NEK11: variants seen among roughly 807,000 people sequenced by gnomAD.
NEK11 encodes serine/threonine-protein kinase Nek11.
NEK11 carries 72 observed loss-of-function variants against 80.7 expected under a neutral mutation model. That is an observed-to-expected ratio of 0.89 (90% CI 0.74 to 1.08). The LOEUF (loss-of-function observed/expected upper bound fraction) is 1.08, where lower values mean the gene tolerates loss of function less well. NEK11 is among the 50% of genes least tolerant of loss of function. The pLI is 0.00. For synonymous variants in NEK11, 251 were observed against 260.7 expected (o/e 0.96, Z 0.36); for missense variants, 764 against 763.6 (o/e 1.00, Z -0.01).
intron 5 of NEK11, among the ~76,000 whole-genome samples, chr3:131,129,776 G>T (rs1213171635): frequency 6.6e-6 from 1 of 151,982 alleles, no homozygotes; most frequent in Admixed American, 6.6e-5. Context: ...TTATTTCTGG[G>T]CTCTCTATTC....
chr3:131,281,398 A>G (rs1447523524), intron 17 of NEK11, among the ~76,000 whole-genome samples: 1 of 152,186 alleles, frequency 6.6e-6, no homozygotes, highest in Non-Finnish European at 1.5e-5. Context: ...TTTATTTAGT[A>G]ATATATGCTG....
intron 16 of NEK11, among the ~76,000 whole-genome samples, chr3:131,265,728 C>T (rs1306128858): frequency 6.6e-6 from 1 of 152,118 alleles, no homozygotes; most frequent in Admixed American, 6.5e-5. Context: ...ATGCTGGCCT[C>T]ATAAAAAGTC....
chr3:131,217,135 CT>C, intron 14 of NEK11, among the ~76,000 whole-genome samples: 1 of 152,238 alleles, frequency 6.6e-6, no homozygotes. Context: ...CTGCATAACT[CT>C]GATAAACTAT....
At chr3:131,124,626 C>T (rs1166451757) in intron 5 of NEK11, among the ~76,000 whole-genome samples, 1 of 152,074 alleles carries the variant, frequency 6.6e-6, no homozygotes, top group African/African-American at 2.4e-5. Flanking sequence ...CAGTTCCTGC[C>T]ACACCAAGAG....
chr3:131,225,593 G>A (rs1253192832), intron 14 of NEK11, among the ~76,000 whole-genome samples: 2 of 152,184 alleles, frequency 1.3e-5, no homozygotes, highest in East Asian at 3.8e-4. Flanking sequence ...AAACTGAAGT[G>A]CAGAAAGCTT....
intron 14 of NEK11, 79 bp downstream of exon 14, chr3:131,170,966 G>A (rs200808503): frequency 4.6e-5 from 45 of 968,208 alleles, no homozygotes; most frequent in Non-Finnish European, 7.1e-5. Context: ...CAGTGGGTCT[G>A]TCTGGCCTCT....
intron 17 of NEK11, among the ~76,000 whole-genome samples, chr3:131,296,648 A>ATTTAT (rs547401517): frequency 9.2e-5 from 14 of 151,992 alleles, no homozygotes; most frequent in African/African-American, 2.2e-4. Flanking sequence ...TACTTGCATG[A>ATTTAT]TTTATTTTAT....
rs869304359 is a variant in NEK11 at position 131,272,463 on chromosome 3, C to CTTTTTTTTTTTTTTTTTTTTTTT, written c.1622-1007_1622-985dup. On this transcript the variant is annotated intron_variant, in intron 16 of 17. Coordinates refer to ENST00000383366, the MANE Select transcript of NEK11 (RefSeq NM_024800.5). ...CTTGCTAATGGGCCAGTTTTAGCTT[C>CTTTTTTTTTTTTTTTTTTTTTTT]TTTTTTTTTTTTTTTTTTTTTTTTT... 4.1e-4 allele frequency among the ~76,000 whole-genome samples: 18 copies of CTTTTTTTTTTTTTTTTTTTTTTT among 43,898 alleles called. 2 individuals carry two copies. The highest frequency in any genetic ancestry group is 2.8e-3 in the East Asian group (3 of 1,068). The allele number at this position is 43,898 out of a possible 152,430, so 28.8% of individuals were successfully genotyped here.
At position 131,348,124 on chromosome 3, in the gene NEK11, A is replaced by G. The variant is rs114832278; in HGVS notation, c.1719-1433A>G. ...CTTCAGAGAAAAGTGCAGAAACCAT[A>G]AGTACACATATAAATTTTTAGAGTG... is the stretch of plus-strand genomic sequence containing the variant. On this transcript the variant is annotated intron_variant, in intron 17 of 17. Coordinates refer to ENST00000383366, the MANE Select transcript of NEK11 (RefSeq NM_024800.5). Among the ~76,000 whole-genome samples, 1,517 of 152,250 alleles carry G rather than the reference A, an allele frequency of 1.0e-2. 33 individuals carry two copies. Among genetic ancestry groups the G allele is most frequent in the African/African-American group, 0.034 (1,417 of 41,524 alleles).
At chr3:131,084,909 A>C (rs573499445) in intron 4 of NEK11, among the ~76,000 whole-genome samples, 2 of 152,306 alleles carry the variant, frequency 1.3e-5, no homozygotes, top group Admixed American at 1.3e-4. Context: ...TGGCAAAATA[A>C]ATAATTTTAA....
chr3:131,064,441 C>T (rs1488489527), intron 3 of NEK11, among the ~76,000 whole-genome samples: 1 of 152,084 alleles, frequency 6.6e-6, no homozygotes, highest in Admixed American at 6.5e-5. Flanking sequence ...GTCTCTCCCT[C>T]TCCTTATAAG....
chr3:131,258,231 TG>T (rs1234211782), intron 16 of NEK11, among the ~76,000 whole-genome samples: 2 of 152,220 alleles, frequency 1.3e-5, no homozygotes, highest in South Asian at 4.1e-4. Flanking sequence ...GCTCTAGTGA[TG>T]GGTGCACCCA....
At chr3:131,181,745 CAAAAAA>C (rs58463955) in intron 14 of NEK11, among the ~76,000 whole-genome samples, 8 of 83,096 alleles carry the variant, frequency 9.6e-5, no homozygotes, top group South Asian at 9.4e-4. Context: ...GACTCCGCCT[CAAAAAA>C]AAAAAAAAAA....
At chr3:131,315,018 CATG>C (rs570373187) in intron 17 of NEK11, among the ~76,000 whole-genome samples, 20 of 152,178 alleles carry the variant, frequency 1.3e-4, no homozygotes, top group South Asian at 1.0e-3. Flanking sequence ...AGGTATACAA[CATG>C]ATGTTTTGAT....
At position 131,080,568 on chromosome 3, in the gene NEK11, A is replaced by C. The variant is rs1560302420; in HGVS notation, c.316A>C (p.Ile106Leu). The change falls in exon 4 of 18, where the codon ATT becomes CTT. Residue 106 changes from isoleucine to leucine, a missense_variant. Coordinates refer to ENST00000383366, the MANE Select transcript of NEK11 (RefSeq NM_024800.5). ...TTTTGTGGAGCAAGATAATTTCTGC[A>C]TTATCACGGAGTACTGTGAGGTGAG... is the stretch of plus-strand genomic sequence containing the variant. ...ASFVEQDNFCIITEYCEGRDL... is the reference protein window; with the variant it reads ...ASFVEQDNFCLITEYCEGRDL... 1 of 1,612,972 alleles carries C rather than the reference A, an allele frequency of 6.2e-7. No individual in the cohort carries two copies. Among genetic ancestry groups the C allele is most frequent in the South Asian group, 1.1e-5 (1 of 90,672 alleles).
intron 10 of NEK11, among the ~76,000 whole-genome samples, chr3:131,161,149 CA>C (rs371334381): frequency 0.029 from 3,314 of 115,046 alleles, 117 homozygotes; most frequent in African/African-American, 0.11. Flanking sequence ...GACTCCATCT[CA>C]AAAAAAAAAA....
chr3:131,229,051 G>A (rs1055985603), intron 15 of NEK11, among the ~76,000 whole-genome samples: 1 of 152,120 alleles, frequency 6.6e-6, no homozygotes, highest in Non-Finnish European at 1.5e-5. Context: ...ATACTTTTCT[G>A]TCTGGTAATC....
At chr3:131,286,362 T>C (rs1476528346) in intron 17 of NEK11, among the ~76,000 whole-genome samples, 1 of 152,218 alleles carries the variant, frequency 6.6e-6, no homozygotes, top group Non-Finnish European at 1.5e-5. Flanking sequence ...CTGTTTACTC[T>C]TTCTTGTTCA....
chr3:131,223,692 C>A (rs991615842), intron 14 of NEK11, among the ~76,000 whole-genome samples: 1 of 152,108 alleles, frequency 6.6e-6, no homozygotes, highest in Non-Finnish European at 1.5e-5. Context: ...TACTATCTAG[C>A]CCTTTACAGA....
Sources: gnomAD v4.1 joint callset for allele counts (sites outside exome capture counted in the v4.1 genomes callset) on GRCh38, gnomAD v4.1.1 for gene constraint, MANE v1.5 for transcripts, NCBI Gene and HGNC (gene_info 2026-07-23, HGNC 2026-07-21) for gene names.